The following CAMTA1 variants were observed in gnomAD, a reference collection of about 807,000 sequenced individuals.
The protein encoded by CAMTA1 is calmodulin binding transcription activator 1.
A neutral mutation model predicts 170.9 loss-of-function variants in CAMTA1; 27 were observed. The ratio of observed to expected loss-of-function variants is 0.16; its 90% CI spans 0.12 to 0.22. CAMTA1 has a LOEUF of 0.22. CAMTA1 is among the 10% of genes least tolerant of loss of function. The probability of loss-of-function intolerance (pLI) is 1.00; values close to 1 mark genes in which losing one functional copy is unlikely to be tolerated. For synonymous variants in CAMTA1, 833 were observed against 891.5 expected (o/e 0.93, Z 1.17); for missense variants, 1,619 against 2,217.2 (o/e 0.73, Z 5.42).
intron 4 of CAMTA1, among the ~76,000 whole-genome samples, chr1:7,221,128 A>G (rs1214428326): frequency 6.6e-6 from 1 of 152,216 alleles, no homozygotes; most frequent in Non-Finnish European, 1.5e-5. Context: ...CGCTGGAGGC[A>G]GTGCAGGAAG....
chr1:7,197,934 T>C (rs1321776255), intron 4 of CAMTA1, among the ~76,000 whole-genome samples: 1 of 151,826 alleles, frequency 6.6e-6, no homozygotes, highest in Non-Finnish European at 1.5e-5. Flanking sequence ...GACAGCTCAT[T>C]GTCCCGAATG....
chr1:7,236,521 G>A (rs1405366059), intron 4 of CAMTA1, among the ~76,000 whole-genome samples: 4 of 152,198 alleles, frequency 2.6e-5, no homozygotes, highest in African/African-American at 4.8e-5. Context: ...TCAGGAGGGG[G>A]TGCAGTGGGG....
rs1328110802 is a variant in CAMTA1 at position 6,950,208 on chromosome 1, GC to G, written c.234+125001del. Among the ~76,000 whole-genome samples the G allele has an allele frequency of 2.0e-5, 3 of 152,162 alleles. No individual in the cohort carries two copies. The East Asian group carries it at 5.8e-4, about 29-fold the overall frequency. ...GGGGGACGGCCTTCTCATGTTCCCAGCCCACCCTTCTCAACACGCCCTTGCT... is the reference window on the plus strand; with the variant it reads ...GGGGGACGGCCTTCTCATGTTCCCAGCCACCCTTCTCAACACGCCCTTGCT... On this transcript the variant is annotated intron_variant, in intron 3 of 22. Transcript: ENST00000303635.
At chr1:7,356,429 C>T (rs1574893855) in intron 5 of CAMTA1, among the ~76,000 whole-genome samples, 1 of 152,246 alleles carries the variant, frequency 6.6e-6, no homozygotes, top group Non-Finnish European at 1.5e-5. Context: ...TGAAGCCACA[C>T]CAGGTGATCT....
At position 7,092,754 on chromosome 1, in the gene CAMTA1, T is replaced by C. The variant is rs1032028239; in HGVS notation, c.302+1383T>C. 6.6e-6 allele frequency among the ~76,000 whole-genome samples: 1 copy of C among 152,246 alleles called. No homozygotes were observed. Among genetic ancestry groups the C allele is most frequent in the African/African-American group, 2.4e-5 (1 of 41,466 alleles). ...TCTGCTCATGGGTCTGTGGGCTGCC[T>C]GTGGCTTTGGGTTGAGGTCAGGTCT... is the stretch of plus-strand genomic sequence containing the variant. On this transcript the variant is annotated intron_variant, in intron 4 of 22. Coordinates refer to ENST00000303635, the MANE Select transcript of CAMTA1 (RefSeq NM_015215.4). The surrounding 1 kb of genome is among the most constrained non-coding windows in gnomAD (Gnocchi z 5.0).
intron 11 of CAMTA1, among the ~76,000 whole-genome samples, chr1:7,722,752 T>C (rs911604315): frequency 7.9e-5 from 12 of 152,230 alleles, no homozygotes; most frequent in Admixed American, 5.9e-4. Context: ...TACAGCTAGG[T>C]AACACACACA....
chr1:7,399,624 G>A lies in CAMTA1; in HGVS notation c.439-68206G>A, dbSNP rs554582318. 3.4e-3 allele frequency among the ~76,000 whole-genome samples: 516 copies of A among 152,250 alleles called. 4 individuals are homozygous for A. The Middle Eastern group carries it at 0.034, about 10-fold the overall frequency. Reference sequence around the variant, plus strand: ...AGTAATTATTGTTCCTTTACTTCTGGTTGAAGTACTCCCTTAAGTATTTCT... The same window carrying A: ...AGTAATTATTGTTCCTTTACTTCTGATTGAAGTACTCCCTTAAGTATTTCT... On this transcript the variant is annotated intron_variant, in intron 5 of 22. Transcript: ENST00000303635.
intron 3 of CAMTA1, among the ~76,000 whole-genome samples, chr1:6,903,217 G>C (rs1677519877): frequency 6.6e-6 from 1 of 152,170 alleles, no homozygotes; most frequent in African/African-American, 2.4e-5. Flanking sequence ...ACCACTCTAT[G>C]GTGATCAAAA....
At chr1:7,655,225 C>T (rs375658054) in intron 7 of CAMTA1, among the ~76,000 whole-genome samples, 3 of 16,046 alleles carry the variant, frequency 1.9e-4, no homozygotes, top group African/African-American at 3.7e-4. Flanking sequence ...CCCATCTATA[C>T]ACACACACAC....
chr1:7,204,010 G>T (rs562766636), intron 4 of CAMTA1, among the ~76,000 whole-genome samples: 55 of 149,352 alleles, frequency 3.7e-4, no homozygotes, highest in Middle Eastern at 6.8e-3. Flanking sequence ...TTTTTTTTTT[G>T]GTATTTTTTA....
intron 5 of CAMTA1, among the ~76,000 whole-genome samples, chr1:7,428,629 T>C (rs900168154): frequency 6.6e-6 from 1 of 152,108 alleles, no homozygotes; most frequent in Admixed American, 6.6e-5. Context: ...TATTCTAAAG[T>C]CATCCAGAGC....
rs534022856 is a variant in CAMTA1, at chr1:6,862,972, C to T, written c.234+37762C>T. Reference sequence around the variant, plus strand: ...ACAAGAATATAAATCATCAGAATTACACTAATTTGTTTCTGAAGGAAATGA... The same window carrying T: ...ACAAGAATATAAATCATCAGAATTATACTAATTTGTTTCTGAAGGAAATGA... On this transcript the variant is annotated intron_variant, in intron 3 of 22. Transcript: ENST00000303635. 1.8e-4 allele frequency among the ~76,000 whole-genome samples: 28 copies of T among 152,304 alleles called. No homozygotes were observed. The East Asian group carries it at 2.9e-3, about 16-fold the overall frequency.
chr1:7,039,280 A>G (rs1004319921), intron 3 of CAMTA1, among the ~76,000 whole-genome samples: 4 of 151,852 alleles, frequency 2.6e-5, no homozygotes, highest in Non-Finnish European at 5.9e-5. Context: ...CTTTTTTACT[A>G]TCATCATCAT....
At position 7,091,342 on chromosome 1, in the gene CAMTA1, A is replaced by C; in HGVS notation, c.273A>C (p.Glu91Asp). 1.2e-6 allele frequency: 2 copies of C among 1,613,288 alleles called. No homozygotes were observed. The highest frequency in any genetic ancestry group is 1.7e-5 in the Admixed American group (1 of 60,028). The change falls in exon 4 of 23, where the codon GAA becomes GAC. Residue 91 changes from glutamate to aspartate, a missense_variant. Physicochemically the swap from Glu to Asp is conservative, Grantham distance 45. Transcript: ENST00000303635. Reference sequence around the variant, plus strand: ...ATTTAATAACATTTGAGAAACACGAAGAATGGCTAACCACCTCCCCTAAGA... The same window carrying C: ...ATTTAATAACATTTGAGAAACACGACGAATGGCTAACCACCTCCCCTAAGA... ...AAYLITFEKH[E>D]EWLTTSPKTR...
intron 4 of CAMTA1, among the ~76,000 whole-genome samples, chr1:7,131,206 C>T (rs970263376): frequency 6.6e-6 from 1 of 152,148 alleles, no homozygotes; most frequent in African/African-American, 2.4e-5. Flanking sequence ...CCCACCTCGG[C>T]CTCCCAAAGT....
In CAMTA1 at chr1:7,501,366, C is replaced by A. The variant is rs565275247; in HGVS notation, c.510+33465C>A. 3.9e-5 allele frequency among the ~76,000 whole-genome samples: 6 copies of A among 152,278 alleles called. No individual in the cohort carries two copies. The South Asian group carries it at 1.2e-3, about 32-fold the overall frequency. ...GGCCTTTGTTCCCGGGATCTCCGGA[C>A]CAGATGTGCCCTCACAGCTGCTGCT... On this transcript the variant is annotated intron_variant, in intron 6 of 22. Coordinates refer to ENST00000303635, the MANE Select transcript of CAMTA1 (RefSeq NM_015215.4).
At chr1:7,620,597 AC>A (rs1558013496) in intron 6 of CAMTA1, among the ~76,000 whole-genome samples, 1 of 152,218 alleles carries the variant, frequency 6.6e-6, no homozygotes, top group African/African-American at 2.4e-5. Context: ...CGAGTATCTT[AC>A]TGGGAGGCTG....
intron 4 of CAMTA1, among the ~76,000 whole-genome samples, chr1:7,228,968 A>AG (rs1364189692): frequency 6.6e-6 from 1 of 152,138 alleles, no homozygotes; most frequent in Non-Finnish European, 1.5e-5. Flanking sequence ...GGCTGAGCCC[A>AG]GGGGGAGGGC....
At position 7,286,221 on chromosome 1, in the gene CAMTA1, G is replaced by T. The variant is rs777601586; in HGVS notation, c.438+36595G>T. On this transcript the variant is annotated intron_variant, in intron 5 of 22. Transcript: ENST00000303635. The surrounding 1 kb of genome is among the most constrained non-coding windows in gnomAD (Gnocchi z 4.2). The stretch of plus-strand genomic sequence containing the variant: ...TTGGCATGTGATTGGGCCCTGAAGG[G>T]TGAGGAGGAGCAGGTCAGGCAGAGA... Among the ~76,000 whole-genome samples the T allele has an allele frequency of 1.7e-4, 26 of 152,204 alleles. No homozygotes were observed. Among genetic ancestry groups the T allele is most frequent in the Non-Finnish European group, 4.4e-5 (3 of 68,048 alleles).
Sources: gnomAD v4.1 joint callset for allele counts (sites outside exome capture counted in the v4.1 genomes callset) on GRCh38, gnomAD v4.1.1 for gene constraint, Gnocchi (gnomAD v3.1) non-coding constraint, MANE v1.5 for transcripts, NCBI Gene and HGNC (gene_info 2026-07-23, HGNC 2026-07-21) for gene names.